The following ZFPM1 variants were observed in gnomAD, a reference collection of about 807,000 sequenced individuals.
ZFPM1 encodes zinc finger protein, FOG family member 1, also known as zinc finger protein ZFPM1.
In ZFPM1, 28 loss-of-function variants were observed where a neutral mutation model predicts 46.3. The ratio of observed to expected loss-of-function variants is 0.60; its 90% confidence interval spans 0.45 to 0.83. The LOEUF (loss-of-function observed/expected upper bound fraction) is 0.83, where lower values mean the gene tolerates loss of function less well. Ranked by LOEUF, ZFPM1 falls within the 40% of genes least tolerant of loss-of-function variation. The pLI, the probability that ZFPM1 is intolerant of heterozygous loss-of-function variation, is 0.00. For synonymous variants in ZFPM1, 957 were observed against 675.9 expected (o/e 1.42, Z -6.45); for missense variants, 1,878 against 1,432.4 (o/e 1.31, Z -5.02).
intron 4 of ZFPM1, among the ~76,000 whole-genome samples, chr16:88,524,312 C>T (rs1258434791): frequency 1.3e-5 from 2 of 152,198 alleles, no homozygotes; most frequent in Non-Finnish European, 1.5e-5. Flanking sequence ...ACCTTTGTGC[C>T]AGGAATGTGC....
intron 1 of ZFPM1, among the ~76,000 whole-genome samples, chr16:88,454,028 TAA>T (rs1008891770): frequency 3.1e-4 from 47 of 152,288 alleles, no homozygotes; most frequent in Non-Finnish European, 5.6e-4. Context: ...TGGGCTCAGA[TAA>T]AGTTTAAAAT....
rs746379587 is a variant in ZFPM1, at chr16:88,532,873, C to T, written c.1127C>T (p.Pro376Leu). The change falls in exon 9 of 10, where the codon CCT becomes CTT. Residue 376 changes from proline (P) to leucine (L), a missense_variant. Physicochemically the swap from Pro to Leu is moderately conservative, Grantham distance 98. Coordinates refer to ENST00000319555, the MANE Select transcript of ZFPM1 (RefSeq NM_153813.3). ...GTCACCAACCACATGGTCTGCCAGC[C>T]TGGCTCCAAGGGTGAGATCTACTCG... The part of the protein sequence containing the change: ...HLVTNHMVCQ[P>L]GSKGEIYSPG... The T allele has an allele frequency of 1.2e-6, 2 of 1,613,314 alleles. No homozygotes were observed. The highest frequency in any genetic ancestry group is 1.7e-6 in the Non-Finnish European group (2 of 1,179,972).
intron 3 of ZFPM1, among the ~76,000 whole-genome samples, chr16:88,510,291 C>T (rs1177534994): frequency 6.6e-6 from 1 of 152,180 alleles, no homozygotes; most frequent in Non-Finnish European, 1.5e-5. Flanking sequence ...CCAAAAGGCC[C>T]TGGACCCTGG....
intron 3 of ZFPM1, among the ~76,000 whole-genome samples, chr16:88,501,126 G>GGTGCGGGGCCCTCCCGC (rs1567540949): frequency 1.4e-5 from 2 of 145,472 alleles, no homozygotes; most frequent in South Asian, 2.1e-4. Context: ...AGCAGACATG[G>GGTGCGGGGCCCTCCCGC]ATGCGGGGGC....
intron 3 of ZFPM1, among the ~76,000 whole-genome samples, chr16:88,492,757 C>T (rs1381714000): frequency 6.6e-6 from 1 of 152,206 alleles, no homozygotes; most frequent in Non-Finnish European, 1.5e-5. Context: ...AGCCAGGCTG[C>T]CCTGTCCCTG....
upstream of ZFPM1, among the ~76,000 whole-genome samples, chr16:88,452,229 C>G (rs1180022985): frequency 1.3e-5 from 2 of 152,220 alleles, no homozygotes; most frequent in Non-Finnish European, 2.9e-5. Context: ...AATGCGTGAC[C>G]TTGAGCAAGT....
rs1410856859 is a variant in ZFPM1, at chr16:88,526,861, G to A, written c.450G>A (p.Arg150=). The A allele has an allele frequency of 8.2e-6, 13 of 1,576,094 alleles. No individual in the cohort carries two copies. Among genetic ancestry groups the A allele is most frequent in the Non-Finnish European group, 1.1e-5 (13 of 1,161,162 alleles). ...LLLVDEACWL[R]TLPQALTEAE... is the part of the protein sequence containing the mutation. ...TGGTGGACGAGGCCTGCTGGCTGAG[G>A]ACGCTGCCCCAGGCCCTGACTGAGG... Residue 150 remains arginine, a synonymous_variant, in exon 5 of 10, where the codon AGG becomes AGA. Coordinates refer to ENST00000319555, the MANE Select transcript of ZFPM1 (RefSeq NM_153813.3).
At chr16:88,502,153 C>T (rs887300971) in intron 3 of ZFPM1, among the ~76,000 whole-genome samples, 15 of 148,972 alleles carry the variant, frequency 1.0e-4, no homozygotes, top group African/African-American at 3.5e-4. Flanking sequence ...TTCCTCACTG[C>T]GCTTTTCCAT....
At chr16:88,456,763 C>T (rs891574864) in intron 1 of ZFPM1, among the ~76,000 whole-genome samples, 1 of 152,174 alleles carries the variant, frequency 6.6e-6, no homozygotes, top group African/African-American at 2.4e-5. Flanking sequence ...TCCTTGGTCT[C>T]CCACTCTGAA....
Position 88,532,158 on chromosome 16 carries a change from G to A in ZFPM1, c.869G>A (p.Arg290His), listed in dbSNP as rs369526838. Residue 290 changes from arginine to histidine, a missense_variant, in exon 7 of 10, where the codon CGC (arginine) becomes CAC (histidine). Transcript: ENST00000319555. ...EKPKETYPNE[R>H]VCPFPQCRKS... Reference sequence around the variant, plus strand: ...CCCAAAGAGACCTACCCCAACGAGCGCGTCTGCCCCTTCCCCCAGTGCCGC... The same window carrying A: ...CCCAAAGAGACCTACCCCAACGAGCACGTCTGCCCCTTCCCCCAGTGCCGC... The A allele has an allele frequency of 6.2e-7, 1 of 1,612,506 alleles. No individual in the cohort carries two copies. Among genetic ancestry groups the A allele is most frequent in the Non-Finnish European group, 8.5e-7 (1 of 1,179,724 alleles).
intron 6 of ZFPM1, chr16:88,530,741 C>T (rs12923090): frequency 0.81 from 123,355 of 152,288 alleles, 51,976 homozygotes; most frequent in Non-Finnish European, 0.92. Context: ...ACCTTGGAGA[C>T]GCAGAAACAA....
chr16:88,525,160 C>CAT (rs1230943474), intron 4 of ZFPM1, among the ~76,000 whole-genome samples: 1 of 152,232 alleles, frequency 6.6e-6, no homozygotes, highest in Non-Finnish European at 1.5e-5. Flanking sequence ...GGGGTCCCTG[C>CAT]ATACGGGTCT....
chr16:88,463,500 G>A (rs1465421458), intron 1 of ZFPM1, among the ~76,000 whole-genome samples: 2 of 152,250 alleles, frequency 1.3e-5, no homozygotes, highest in Non-Finnish European at 2.9e-5. Flanking sequence ...CATTTACTAG[G>A]CCCCTGCCTC....
chr16:88,528,958 ACT>A (rs1489207535), intron 6 of ZFPM1, among the ~76,000 whole-genome samples: 1 of 151,606 alleles, frequency 6.6e-6, no homozygotes. Context: ...TCTCTCGGAA[ACT>A]CTGAGGGTGG....
chr16:88,504,892 C>T (rs1910565020), intron 3 of ZFPM1, among the ~76,000 whole-genome samples: 1 of 152,108 alleles, frequency 6.6e-6, no homozygotes, highest in Non-Finnish European at 1.5e-5. Context: ...CTCCCCAGGA[C>T]AGGCCACTGG....
In ZFPM1 at chr16:88,534,707, C is replaced by A; in HGVS notation, c.2749C>A (p.Pro917Thr). The change falls in exon 10 of 10, where the codon CCC (proline) becomes ACC (threonine). Residue 917 changes from proline (P) to threonine (T), a missense_variant. Transcript: ENST00000319555. ...AASPQPGSRGPRDGLGPEPQE... is the reference protein window; with the variant it reads ...AASPQPGSRGTRDGLGPEPQE... ...CTCCCCGCAGCCCGGGTCCCGTGGC[C>A]CCCGGGACGGCCTCGGCCCGGAGCC... 1.0e-6 allele frequency: 1 copy of A among 982,680 alleles called. No individual in the cohort carries two copies. The highest frequency in any genetic ancestry group is 1.2e-6 in the Non-Finnish European group (1 of 828,682). 60.9% of individuals were successfully genotyped at this position (982,680 alleles called of 1,614,324 possible).
rs1029718068 is a variant in ZFPM1, at chr16:88,497,698, G to A, written c.268+8545G>A. Reference sequence around the variant, plus strand: ...CCGGCGCTGGGAGCCGGCAGCTGCTGTGAGGCGGGAGGAGGGCTCTGTCCA... The same window carrying A: ...CCGGCGCTGGGAGCCGGCAGCTGCTATGAGGCGGGAGGAGGGCTCTGTCCA... On this transcript the variant is annotated intron_variant, in intron 3 of 9. Coordinates refer to ENST00000319555, the MANE Select transcript of ZFPM1 (RefSeq NM_153813.3). The surrounding 1 kb of genome is among the most constrained non-coding windows in gnomAD (Gnocchi z 5.4). 6.6e-6 allele frequency among the ~76,000 whole-genome samples: 1 copy of A among 152,180 alleles called. No individual in the cohort carries two copies. Among genetic ancestry groups the A allele is most frequent in the Admixed American group, 6.5e-5 (1 of 15,292 alleles).
chr16:88,530,568 G>A (rs932764664), intron 6 of ZFPM1: 1 of 152,232 alleles, frequency 6.6e-6, no homozygotes, highest in Non-Finnish European at 1.5e-5. Context: ...CCGGCACTCT[G>A]GGCCCATCTC....
chr16:88,486,181 C>T (rs1650483846), intron 2 of ZFPM1, 138 bp downstream of exon 2: 1 of 914,328 alleles, frequency 1.1e-6, no homozygotes, highest in Middle Eastern at 2.3e-4. Flanking sequence ...CGTCTTCCAG[C>T]CAGAGGCCTG....
Sources: allele counts gnomAD v4.1 joint callset (sites outside exome capture counted in the v4.1 genomes callset), GRCh38; gene constraint gnomAD v4.1.1; non-coding constraint Gnocchi (gnomAD v3.1); transcripts MANE v1.5; gene names NCBI Gene and HGNC (gene_info 2026-07-23, HGNC 2026-07-21).